The following TMEFF2 variants were observed in gnomAD, a reference collection of about 807,000 sequenced individuals.
TMEFF2 encodes the protein transmembrane protein with EGF like and two follistatin like domains 2, also known as tomoregulin-2.
In TMEFF2, 28 loss-of-function variants were observed where a neutral mutation model predicts 53.8. The ratio of observed to expected loss-of-function variants is 0.52; its 90% CI spans 0.39 to 0.71. The LOEUF is 0.71. Among genes scored for constraint, TMEFF2 ranks in the 30% least tolerant of loss-of-function variants. The pLI, the probability that TMEFF2 is intolerant of heterozygous loss-of-function variation, is 0.00. For synonymous variants in TMEFF2, 162 were observed against 166.3 expected, an observed-to-expected ratio of 0.97 and a Z score of 0.20; for missense variants, 353 against 455.2, an observed-to-expected ratio of 0.78 and a Z score of 2.04.
At chr2:192,108,543 A>G (rs945552622) in intron 4 of TMEFF2, among the ~76,000 whole-genome samples, 5 of 151,926 alleles carry the variant, frequency 3.3e-5, no homozygotes, top group African/African-American at 1.2e-4. Flanking sequence ...ATTATCAAAC[A>G]CTGAATTAAT....
chr2:192,166,460 A>G (rs867474601), intron 4 of TMEFF2, among the ~76,000 whole-genome samples: 1 of 152,210 alleles, frequency 6.6e-6, no homozygotes, highest in Non-Finnish European at 1.5e-5. Flanking sequence ...AATGTATTAC[A>G]TTCCTGTAGA....
chr2:192,014,446 A>G (rs1003189073), intron 5 of TMEFF2, among the ~76,000 whole-genome samples: 1 of 152,160 alleles, frequency 6.6e-6, no homozygotes, highest in African/African-American at 2.4e-5. Context: ...CCTTATTCTG[A>G]ACAAAAACTC....
At chr2:192,049,709 A>T (rs931951202) in intron 5 of TMEFF2, among the ~76,000 whole-genome samples, 13 of 152,168 alleles carry the variant, frequency 8.5e-5, no homozygotes, top group African/African-American at 3.1e-4. Context: ...AAGATTTAAA[A>T]AGCAAGTAAA....
intron 4 of TMEFF2, among the ~76,000 whole-genome samples, chr2:192,116,355 A>C (rs2105960997): frequency 6.6e-6 from 1 of 152,146 alleles, no homozygotes; most frequent in Middle Eastern, 3.4e-3. Flanking sequence ...ATGTTGGTCA[A>C]AGAGTACAAA....
At chr2:192,072,060 A>T (rs373111672) in intron 4 of TMEFF2, among the ~76,000 whole-genome samples, 1 of 151,948 alleles carries the variant, frequency 6.6e-6, no homozygotes, top group Non-Finnish European at 1.5e-5. Context: ...TTGAAAATAC[A>T]GTATGAAGCA....
chr2:192,095,386 G>T (rs1230421999), intron 4 of TMEFF2, among the ~76,000 whole-genome samples: 1 of 152,108 alleles, frequency 6.6e-6, no homozygotes, highest in Non-Finnish European at 1.5e-5. Context: ...AGCACTTTGG[G>T]AGGCCAAGGT....
At chr2:192,187,821 G>A (rs1440573355) in intron 2 of TMEFF2, among the ~76,000 whole-genome samples, 1 of 152,212 alleles carries the variant, frequency 6.6e-6, no homozygotes, top group Admixed American at 6.5e-5. Context: ...ACACTAGAAT[G>A]CATGAAATTC....
At chr2:192,170,224 C>T (rs1690873353) in intron 4 of TMEFF2, among the ~76,000 whole-genome samples, 1 of 152,018 alleles carries the variant, frequency 6.6e-6, no homozygotes, top group African/African-American at 2.4e-5. Flanking sequence ...TCCACATGTC[C>T]TTTCAACGAG....
chr2:192,130,796 C>A (rs1262609748), intron 4 of TMEFF2, among the ~76,000 whole-genome samples: 1 of 151,942 alleles, frequency 6.6e-6, no homozygotes. Flanking sequence ...GTTTGGTGGT[C>A]TCTTCACACG....
intron 4 of TMEFF2, among the ~76,000 whole-genome samples, chr2:192,075,330 T>TATATATATATATAC (rs1559115271): frequency 2.0e-5 from 2 of 100,964 alleles, no homozygotes; most frequent in East Asian, 2.8e-4. Context: ...TATATATATA[T>TATATATATATATAC]ATACATACAT....
At chr2:192,132,078 T>C (rs1256611523) in intron 4 of TMEFF2, among the ~76,000 whole-genome samples, 1 of 152,100 alleles carries the variant, frequency 6.6e-6, no homozygotes. Flanking sequence ...ATCTTCCTTT[T>C]CTACAGACCC....
intron 7 of TMEFF2, among the ~76,000 whole-genome samples, chr2:191,977,191 A>G (rs1477624510): frequency 2.0e-5 from 3 of 152,236 alleles, no homozygotes; most frequent in Admixed American, 6.5e-5. Context: ...GGACCAATAG[A>G]CACAAAAAAC....
intron 4 of TMEFF2, among the ~76,000 whole-genome samples, chr2:192,091,003 T>C (rs370218543): frequency 1.3e-5 from 2 of 152,164 alleles, no homozygotes; most frequent in Non-Finnish European, 2.9e-5. Flanking sequence ...GTTGAAAATA[T>C]TACACGTGGG....
intron 9 of TMEFF2, among the ~76,000 whole-genome samples, chr2:191,950,736 T>G (rs1691851157): frequency 6.6e-6 from 1 of 152,210 alleles, no homozygotes; most frequent in Non-Finnish European, 1.5e-5. Context: ...TATCTCACTT[T>G]AAAGGTCTTC....
At chr2:192,014,342 C>A (rs1263268739) in intron 5 of TMEFF2, among the ~76,000 whole-genome samples, 7 of 152,168 alleles carry the variant, frequency 4.6e-5, no homozygotes, top group Non-Finnish European at 1.0e-4. Flanking sequence ...TTTTCACTAT[C>A]TATATACATT....
intron 5 of TMEFF2, among the ~76,000 whole-genome samples, chr2:192,034,268 C>T (rs866522735): frequency 6.6e-6 from 1 of 151,484 alleles, no homozygotes. Context: ...ATTTACAGTT[C>T]ACAAATCTTA....
intron 9 of TMEFF2, among the ~76,000 whole-genome samples, chr2:191,953,437 A>G (rs1691948493): frequency 6.6e-6 from 1 of 152,218 alleles, no homozygotes; most frequent in Non-Finnish European, 1.5e-5. Flanking sequence ...ATACTAGTTC[A>G]AGCAGGTAAA....
chr2:192,143,738 C>T (rs909754967), intron 4 of TMEFF2, among the ~76,000 whole-genome samples: 5 of 152,078 alleles, frequency 3.3e-5, no homozygotes, highest in Non-Finnish European at 5.9e-5. Context: ...CACACATTTT[C>T]GTTAACTTCT....
At chr2:191,950,994 TCTGA>T (rs1574236423) in intron 9 of TMEFF2, among the ~76,000 whole-genome samples, 1 of 152,212 alleles carries the variant, frequency 6.6e-6, no homozygotes, top group Non-Finnish European at 1.5e-5. Context: ...TCTGAAAATG[TCTGA>T]CTTTTTTCTC....
Sources: gnomAD v4.1 joint callset for allele counts (sites outside exome capture counted in the v4.1 genomes callset) on GRCh38, gnomAD v4.1.1 for gene constraint, MANE v1.5 for transcripts, NCBI Gene and HGNC (gene_info 2026-07-23, HGNC 2026-07-21) for gene names.